The following GABRB1 variants were observed in gnomAD, a reference collection of about 807,000 sequenced individuals.
The protein encoded by GABRB1 is gamma-aminobutyric acid receptor subunit beta-1.
Under a neutral mutation model 51.6 loss-of-function variants are expected in GABRB1, and 17 were observed. That is an observed-to-expected ratio of 0.33 (90% CI 0.23 to 0.49). GABRB1 has a LOEUF of 0.49. Ranked by LOEUF, GABRB1 falls within the 20% of genes least tolerant of loss-of-function variation. The pLI, the probability that GABRB1 is intolerant of heterozygous loss-of-function variation, is 0.99. For synonymous variants in GABRB1, 247 were observed against 218.9 expected (o/e 1.13, Z -1.14); for missense variants, 410 against 600.6 (o/e 0.68, Z 3.32).
intron 4 of GABRB1, among the ~76,000 whole-genome samples, chr4:47,177,815 GGTT>G (rs1184657399): frequency 1.6e-5 from 1 of 62,280 alleles, no homozygotes; most frequent in Non-Finnish European, 3.2e-5. Context: ...TAAGAACAGT[GGTT>G]TTTTTTTTTT....
intron 3 of GABRB1, among the ~76,000 whole-genome samples, chr4:47,052,015 G>C (rs950858872): frequency 1.5e-4 from 23 of 152,254 alleles, no homozygotes; most frequent in African/African-American, 5.5e-4. Context: ...TGTAATTTCA[G>C]CTACACGGGA....
intron 3 of GABRB1, among the ~76,000 whole-genome samples, chr4:47,148,565 A>C (rs1270186767): frequency 6.6e-6 from 1 of 152,044 alleles, no homozygotes; most frequent in African/African-American, 2.4e-5. Context: ...TTTTACTGAG[A>C]AGCGGTAAAA....
chr4:47,335,233 G>A (rs965709521), intron 5 of GABRB1, among the ~76,000 whole-genome samples: 2 of 151,864 alleles, frequency 1.3e-5, no homozygotes, highest in Non-Finnish European at 2.9e-5. Flanking sequence ...AGGTTCTCAC[G>A]GGTCACCTGC....
intron 4 of GABRB1, among the ~76,000 whole-genome samples, chr4:47,269,003 A>T (rs764749625): frequency 5.9e-5 from 9 of 152,188 alleles, no homozygotes; most frequent in Non-Finnish European, 1.2e-4. Context: ...CTCATTTGGC[A>T]ACCATGTTTT....
chr4:47,262,903 T>G (rs1334087268), intron 4 of GABRB1, among the ~76,000 whole-genome samples: 1 of 151,874 alleles, frequency 6.6e-6, no homozygotes, highest in Non-Finnish European at 1.5e-5. Context: ...GGGACATGGA[T>G]GAAGCTGGAA....
chr4:47,059,599 T>G (rs1012103921), intron 3 of GABRB1, among the ~76,000 whole-genome samples: 7 of 152,320 alleles, frequency 4.6e-5, no homozygotes, highest in Admixed American at 2.0e-4. Flanking sequence ...TGTAAAGATA[T>G]TTTCTTGCTG....
chr4:47,385,030 T>C (rs2110033198), intron 5 of GABRB1, among the ~76,000 whole-genome samples: 1 of 152,300 alleles, frequency 6.6e-6, no homozygotes, highest in African/African-American at 2.4e-5. Flanking sequence ...ACGCTGTCAT[T>C]ACACTTTCCG....
At chr4:47,054,535 A>T (rs1174422900) in intron 3 of GABRB1, among the ~76,000 whole-genome samples, 1 of 152,194 alleles carries the variant, frequency 6.6e-6, no homozygotes, top group Non-Finnish European at 1.5e-5. Context: ...GGTCTACAGA[A>T]ATATTCAAAA....
intron 1 of GABRB1, among the ~76,000 whole-genome samples, chr4:47,009,134 G>A (rs1724508859): frequency 6.7e-6 from 1 of 149,860 alleles, no homozygotes; most frequent in Admixed American, 6.6e-5. Context: ...AAAGTGCTGG[G>A]ATTACAGGCA....
At chr4:47,330,485 G>A (rs1391528090) in intron 5 of GABRB1, among the ~76,000 whole-genome samples, 1 of 152,152 alleles carries the variant, frequency 6.6e-6, no homozygotes, top group East Asian at 1.9e-4. Flanking sequence ...ACAATAGTCA[G>A]AAGCTGCAAG....
At chr4:47,023,388 C>A (rs1349217310) in intron 1 of GABRB1, among the ~76,000 whole-genome samples, 1 of 151,930 alleles carries the variant, frequency 6.6e-6, no homozygotes, top group Admixed American at 6.6e-5. Flanking sequence ...CTTTCTGCAT[C>A]ATTCTTATTT....
chr4:47,095,890 T>TA (rs1172961705), intron 3 of GABRB1, among the ~76,000 whole-genome samples: 1 of 152,218 alleles, frequency 6.6e-6, no homozygotes, highest in East Asian at 1.9e-4. Context: ...TCTTGGGCAT[T>TA]AAAAACATCC....
At chr4:47,122,952 T>A (rs1358897265) in intron 3 of GABRB1, among the ~76,000 whole-genome samples, 1 of 152,154 alleles carries the variant, frequency 6.6e-6, no homozygotes, top group Non-Finnish European at 1.5e-5. Context: ...AGCACGTATA[T>A]AGTGTAAAAG....
At chr4:47,221,855 T>C (rs1446153208) in intron 4 of GABRB1, among the ~76,000 whole-genome samples, 2 of 152,082 alleles carry the variant, frequency 1.3e-5, no homozygotes, top group Non-Finnish European at 2.9e-5. Context: ...ACTTAATATC[T>C]ATTGTTGATT....
chr4:47,000,205 C>A (rs1311466990), intron 1 of GABRB1, among the ~76,000 whole-genome samples: 1 of 152,042 alleles, frequency 6.6e-6, no homozygotes, highest in Non-Finnish European at 1.5e-5. Context: ...AACCATTATG[C>A]ATGTTGTAGG....
chr4:47,377,364 A>G (rs188849796), intron 5 of GABRB1, among the ~76,000 whole-genome samples: 1 of 147,380 alleles, frequency 6.8e-6, no homozygotes, highest in East Asian at 2.0e-4. Flanking sequence ...TACAGTTCTT[A>G]AAGGCGTCGT....
chr4:47,091,285 T>C (rs988259315), intron 3 of GABRB1, among the ~76,000 whole-genome samples: 1 of 152,278 alleles, frequency 6.6e-6, no homozygotes, highest in East Asian at 1.9e-4. Flanking sequence ...TTATATTGTA[T>C]TTTTTATTCA....
intron 3 of GABRB1, among the ~76,000 whole-genome samples, chr4:47,139,932 AC>A (rs1353937955): frequency 6.6e-6 from 1 of 152,046 alleles, no homozygotes; most frequent in Non-Finnish European, 1.5e-5. Flanking sequence ...CAACAAAAGT[AC>A]ATATAATTTA....
intron 4 of GABRB1, among the ~76,000 whole-genome samples, chr4:47,223,004 C>T (rs1266550545): frequency 6.6e-6 from 1 of 152,036 alleles, no homozygotes; most frequent in Non-Finnish European, 1.5e-5. Flanking sequence ...ATCTAAGCTC[C>T]TTTTAAGCAT....
Sources: allele counts gnomAD v4.1 joint callset (sites outside exome capture counted in the v4.1 genomes callset), GRCh38; gene constraint gnomAD v4.1.1; transcripts MANE v1.5; gene names NCBI Gene and HGNC (gene_info 2026-07-23, HGNC 2026-07-21).